The following TYW3 variants were observed in gnomAD, a reference collection of about 807,000 sequenced individuals.
The protein encoded by TYW3 is tRNA-yW synthesizing protein 3 homolog, also known as tRNA wybutosine-synthesizing protein 3 homolog.
Under a neutral mutation model 23.1 loss-of-function variants are expected in TYW3, and 26 were observed. That is an observed-to-expected ratio of 1.13 (90% CI 0.83 to 1.56). The LOEUF is 1.56. Among genes scored for constraint, TYW3 ranks in the 40% most tolerant of loss-of-function variants. The pLI, the probability that TYW3 is intolerant of heterozygous loss-of-function variation, is 0.00. For missense variants in TYW3, 316 were observed against 311.9 expected, an observed-to-expected ratio of 1.01 and a Z score of -0.10; for synonymous variants, 102 against 105.7, an observed-to-expected ratio of 0.97 and a Z score of 0.21.
At chr1:74,745,528 C>A (rs553773014) in intron 3 of TYW3, among the ~76,000 whole-genome samples, 1 of 151,898 alleles carries the variant, frequency 6.6e-6, no homozygotes, top group African/African-American at 2.4e-5. Flanking sequence ...AGACACAGAG[C>A]GCTGATTGGT....
chr1:74,738,278 G>A (rs1189496678), intron 2 of TYW3, among the ~76,000 whole-genome samples: 1 of 152,064 alleles, frequency 6.6e-6, no homozygotes, highest in South Asian at 2.1e-4. Flanking sequence ...ATGCTTCTTG[G>A]GAACATGGGT....
rs766661156 is a variant in TYW3 at position 74,763,978 on chromosome 1, A to G, written c.645A>G (p.Ser215=). The change falls in exon 6 of 6, where the codon TCA becomes TCG. Residue 215 remains serine, a synonymous_variant. Transcript: ENST00000370867. The part of the protein sequence containing the change: ...HPKIKEKNNS[S]YIHKKKRNPE... ...AGATCAAAGAGAAAAATAACTCATC[A>G]TATATTCATAAGAAAAAAAGAAACC... is the stretch of plus-strand genomic sequence containing the variant. The G allele has an allele frequency of 3.7e-6, 6 of 1,610,922 alleles. No individual in the cohort carries two copies. The highest frequency in any genetic ancestry group is 3.3e-5 in the South Asian group (3 of 90,132).
At chr1:74,750,882 A>G (rs1007080246) in intron 4 of TYW3, among the ~76,000 whole-genome samples, 11 of 137,092 alleles carry the variant, frequency 8.0e-5, no homozygotes, top group Non-Finnish European at 1.2e-4. Flanking sequence ...GTCTCAGCTC[A>G]CTGCAACCGC....
At chr1:74,747,764 T>C (rs1215322583) in intron 3 of TYW3, among the ~76,000 whole-genome samples, 2 of 150,940 alleles carry the variant, frequency 1.3e-5, no homozygotes, top group African/African-American at 4.9e-5. Context: ...TATATGTATG[T>C]GTATATGTGT....
chr1:74,736,467 A>C, intron 1 of TYW3, 75 bp from the exon 2 acceptor site: 1 of 1,035,936 alleles, frequency 9.7e-7, no homozygotes, highest in Non-Finnish European at 1.4e-6. Context: ...GAAAGCCTAC[A>C]ATATACTATG....
chr1:74,766,218 G>GT lies in TYW3; in HGVS notation c.*2106dup, dbSNP rs1649301965. 6.6e-6 allele frequency: 1 copy of GT among 152,012 alleles called. No individual in the cohort carries two copies. The highest frequency in any genetic ancestry group is 2.4e-5 in the African/African-American group (1 of 41,410). 9.4% of individuals were successfully genotyped at this position (152,012 alleles called of 1,614,324 possible). ...ATACTTGATAATATGTTACTGGTTTGTGTCTTTGCTATGCTTTTTATCATT... is the reference window on the plus strand; with the variant it reads ...ATACTTGATAATATGTTACTGGTTTGTTGTCTTTGCTATGCTTTTTATCATT... On this transcript the variant is annotated 3_prime_UTR_variant, in exon 6 of 6. Transcript: ENST00000370867.
At chr1:74,745,966 C>T (rs1413650041) in intron 3 of TYW3, among the ~76,000 whole-genome samples, 1 of 152,182 alleles carries the variant, frequency 6.6e-6, no homozygotes, top group Non-Finnish European at 1.5e-5. Flanking sequence ...GATCAGGGCT[C>T]CATCCTTATG....
At chr1:74,758,410 C>G (rs1201479837) in intron 5 of TYW3, among the ~76,000 whole-genome samples, 1 of 152,076 alleles carries the variant, frequency 6.6e-6, no homozygotes, top group Non-Finnish European at 1.5e-5. Context: ...TTCTTATCAT[C>G]ATTTACCAGC....
chr1:74,742,592 C>T (rs1033072035), intron 3 of TYW3, among the ~76,000 whole-genome samples: 2 of 152,280 alleles, frequency 1.3e-5, no homozygotes, highest in East Asian at 1.9e-4. Context: ...ATCTGCCCAA[C>T]GGTTTCCTTC....
intron 5 of TYW3, among the ~76,000 whole-genome samples, chr1:74,760,087 A>T (rs1215712488): frequency 6.6e-6 from 1 of 152,248 alleles, no homozygotes; most frequent in Admixed American, 6.5e-5. Context: ...AAAGTAAGCT[A>T]GAGAAAAATG....
intron 4 of TYW3, among the ~76,000 whole-genome samples, chr1:74,750,595 C>G (rs1336364052): frequency 6.6e-6 from 1 of 151,974 alleles, no homozygotes; most frequent in Non-Finnish European, 1.5e-5. Context: ...TCAGGGCCTC[C>G]AAACATTTTC....
At chr1:74,760,080 G>A (rs1326360005) in intron 5 of TYW3, among the ~76,000 whole-genome samples, 1 of 152,182 alleles carries the variant, frequency 6.6e-6, no homozygotes, top group Non-Finnish European at 1.5e-5. Context: ...TTACAATAAA[G>A]TAAGCTAGAG....
intron 3 of TYW3, among the ~76,000 whole-genome samples, chr1:74,740,399 A>G (rs752448362): frequency 6.6e-6 from 1 of 152,218 alleles, no homozygotes; most frequent in East Asian, 1.9e-4. Context: ...CAGCAGCAAG[A>G]TTTATTAAGA....
intron 2 of TYW3, among the ~76,000 whole-genome samples, chr1:74,738,400 GA>G (rs1395942467): frequency 6.6e-6 from 1 of 152,130 alleles, no homozygotes; most frequent in African/African-American, 2.4e-5. Context: ...ATTTCCTAAT[GA>G]AAAATCCGTT....
chr1:74,760,942 T>A (rs1392772984), intron 5 of TYW3, among the ~76,000 whole-genome samples: 1 of 152,246 alleles, frequency 6.6e-6, no homozygotes, highest in Non-Finnish European at 1.5e-5. Context: ...GCCTGAAAAC[T>A]TATGAAGAGA....
At chr1:74,744,925 G>C (rs910940774) in intron 3 of TYW3, among the ~76,000 whole-genome samples, 5 of 152,012 alleles carry the variant, frequency 3.3e-5, no homozygotes, top group Non-Finnish European at 7.4e-5. Context: ...CATCCCGGTG[G>C]GTTCATGGTC....
rs1649299741 is a variant in TYW3 at position 74,766,162 on chromosome 1, G to GGTACATATAATTATGTACAGTGC, written c.*2050_*2072dup. 1 of 151,812 alleles carries GGTACATATAATTATGTACAGTGC rather than the reference G, an allele frequency of 6.6e-6. No individual in the cohort carries two copies. Among genetic ancestry groups the GGTACATATAATTATGTACAGTGC allele is most frequent in the Admixed American group, 6.6e-5 (1 of 15,226 alleles). 9.4% of individuals were successfully genotyped at this position (151,812 alleles called of 1,614,324 possible). On this transcript the variant is annotated 3_prime_UTR_variant, in exon 6 of 6. Coordinates refer to ENST00000370867, the MANE Select transcript of TYW3 (RefSeq NM_138467.3). ...TGTGGTGACAGTCATATAAAAGTATGGTACATATAATTATGTACAGTGCAT... is the reference window on the plus strand; with the variant it reads ...TGTGGTGACAGTCATATAAAAGTATGGTACATATAATTATGTACAGTGCGTACATATAATTATGTACAGTGCAT...
At chr1:74,750,843 T>A (rs1314962374) in intron 4 of TYW3, among the ~76,000 whole-genome samples, 1 of 144,022 alleles carries the variant, frequency 6.9e-6, no homozygotes, top group Non-Finnish European at 1.5e-5. Flanking sequence ...GTTTCACTCT[T>A]ATTGCCCAGA....
chr1:74,761,477 G>A (rs1295342750), intron 5 of TYW3, among the ~76,000 whole-genome samples: 1 of 151,768 alleles, frequency 6.6e-6, no homozygotes. Flanking sequence ...TTTCTAGGAA[G>A]AAAGTATAAT....
Sources: gnomAD v4.1 joint callset for allele counts (sites outside exome capture counted in the v4.1 genomes callset) on GRCh38, gnomAD v4.1.1 for gene constraint, MANE v1.5 for transcripts, NCBI Gene and HGNC (gene_info 2026-07-23, HGNC 2026-07-21) for gene names.